The following COQ10A variants were observed in gnomAD, a reference collection of about 807,000 sequenced individuals.
The protein encoded by COQ10A is coenzyme Q-binding protein COQ10 homolog A, mitochondrial.
A neutral mutation model predicts 26.1 loss-of-function variants in COQ10A; 25 were observed. That is an observed-to-expected ratio of 0.96 (90% CI 0.70 to 1.34). COQ10A has a LOEUF of 1.34. Among genes scored for constraint, COQ10A ranks in the 40% most tolerant of loss-of-function variants. The pLI, the probability that COQ10A is intolerant of heterozygous loss-of-function variation, is 0.00. For missense variants in COQ10A, 312 were observed against 335.4 expected, an observed-to-expected ratio of 0.93 and a Z score of 0.54; for synonymous variants, 132 against 124.0, an observed-to-expected ratio of 1.06 and a Z score of -0.43.
At chr12:56,268,078 C>G (rs1872404822) in intron 2 of COQ10A, 138 bp downstream of exon 2, 1 of 1,059,114 alleles carries the variant, frequency 9.4e-7, no homozygotes, top group African/African-American at 1.6e-5. Context: ...TACTGATCCT[C>G]AGTCCTCCCC....
chr12:56,268,308 TA>T (rs994119884), intron 2 of COQ10A: 56 of 196,974 alleles, frequency 2.8e-4, no homozygotes, highest in South Asian at 6.2e-4. Context: ...CTGTCTCCAC[TA>T]AAAAAAAACA....
rs1872492525 is a variant in COQ10A, at chr12:56,270,635, T to G, written c.*318T>G. The G allele has an allele frequency of 4.5e-6, 1 of 220,516 alleles. No homozygotes were observed. Among genetic ancestry groups the G allele is most frequent in the African/African-American group, 2.3e-5 (1 of 44,024 alleles). 13.7% of individuals were successfully genotyped at this position (220,516 alleles called of 1,614,324 possible). On this transcript the variant is annotated 3_prime_UTR_variant, in exon 5 of 5. Transcript: ENST00000308197. ...GACCTTATCAAGACACCTTAGTGTC[T>G]GACCAGGGGACGATAGTAACTTTTC...
At chr12:56,270,113 G>A (rs780429418) in intron 4 of COQ10A, 37 bp from the exon 5 acceptor site, 2 of 1,597,796 alleles carry the variant, frequency 1.3e-6, no homozygotes, top group Non-Finnish European at 8.6e-7. Context: ...ATCCAACATG[G>A]TCTGGAAGTT....
intron 2 of COQ10A, 164 bp from the exon 3 acceptor site, chr12:56,268,895 G>A: frequency 3.2e-6 from 2 of 615,842 alleles, no homozygotes; most frequent in Non-Finnish European, 5.9e-6. Context: ...GTATCATAAG[G>A]ATTTACACGT....
chr12:56,267,134 TCGCGGCGGGTCCCAGCTGGGACGCG>T lies in COQ10A; in HGVS notation c.23_47del (p.Arg8GlnfsTer29). The T allele has an allele frequency of 7.7e-7, 1 of 1,301,762 alleles. No homozygotes were observed. Among genetic ancestry groups the T allele is most frequent in the African/African-American group, 1.6e-5 (1 of 64,486 alleles). 80.6% of individuals were successfully genotyped at this position (1,301,762 alleles called of 1,614,324 possible). On this transcript the variant is annotated frameshift_variant, in exon 1 of 5. Transcript: ENST00000308197. LOFTEE classifies it high-confidence loss of function. ...GGTCGCGCGCATGGCCTGGGCGGGC[TCGCGGCGGGTCCCAGCTGGGACGCG>T]CGCGGCAGCCGAGCGCTGCTGCCGG... is the stretch of plus-strand genomic sequence containing the variant.
intron 2 of COQ10A, 60 bp from the exon 3 acceptor site, chr12:56,268,999 T>A: frequency 6.9e-7 from 1 of 1,459,208 alleles, no homozygotes; most frequent in South Asian, 1.2e-5. Flanking sequence ...TAGGGGCCTA[T>A]AGCAAGGAGG....
intron 2 of COQ10A, 96 bp from the exon 3 acceptor site, chr12:56,268,963 C>T (rs550128089): frequency 3.6e-5 from 33 of 923,100 alleles, no homozygotes; most frequent in South Asian, 2.1e-4. Context: ...CCTGAAGGTG[C>T]GTGGTTAGTG....
chr12:56,267,187 C>T lies in COQ10A; in HGVS notation c.69C>T (p.Leu23=). ...CGGCAGCCGAGCGCTGCTGCCGGCT[C>T]TCGCTCAGCCCGGGCGCGCAACCGG... ...TRAAAERCCR[L]SLSPGAQPAP... The change falls in exon 1 of 5, where the codon CTC becomes CTT. Residue 23 remains leucine (L), a synonymous_variant. Transcript: ENST00000308197. 1 of 1,375,410 alleles carries T rather than the reference C, an allele frequency of 7.3e-7. No homozygotes were observed. Among genetic ancestry groups the T allele is most frequent in the Non-Finnish European group, 9.4e-7 (1 of 1,069,210 alleles). 85.2% of individuals were successfully genotyped at this position (1,375,410 alleles called of 1,614,324 possible). A position where few individuals can be genotyped will look rare whatever the true frequency, so the allele number is the denominator to read the frequency against.
At chr12:56,269,848 A>G in intron 4 of COQ10A, 1 of 518,308 alleles carries the variant, frequency 1.9e-6, no homozygotes, top group Non-Finnish European at 3.5e-6. Context: ...GCTGCTCTCA[A>G]ACTCCTGGCC....
intron 2 of COQ10A, chr12:56,268,148 A>G: frequency 1.5e-6 from 1 of 653,688 alleles, no homozygotes; most frequent in Non-Finnish European, 2.6e-6. Context: ...CTTAAGTGAA[A>G]TGAGACTAGG....
chr12:56,269,632 T>C (rs374946643), intron 4 of COQ10A, 71 bp downstream of exon 4: 3 of 1,075,650 alleles, frequency 2.8e-6, no homozygotes, highest in East Asian at 2.4e-5. Flanking sequence ...TGTGACAGGG[T>C]TATTAATTTA....
At chr12:56,267,324 C>T in intron 1 of COQ10A, 72 bp downstream of exon 1, 2 of 1,612,526 alleles carry the variant, frequency 1.2e-6, no homozygotes, top group Non-Finnish European at 1.7e-6. Context: ...TGGAGGGGTG[C>T]TATACTGGGA....
chr12:56,267,436 G>A (rs1338143634), intron 1 of COQ10A, 184 bp downstream of exon 1: 2 of 1,613,966 alleles, frequency 1.2e-6, no homozygotes, highest in Middle Eastern at 1.6e-4. Flanking sequence ...TTCTCGGGGT[G>A]AGTGTCCAAC....
At chr12:56,268,090 G>A (rs1872405266) in intron 2 of COQ10A, 150 bp downstream of exon 2, 3 of 976,236 alleles carry the variant, frequency 3.1e-6, no homozygotes, top group African/African-American at 1.6e-5. Flanking sequence ...GTCCTCCCCT[G>A]CCACTCTTCC....
In COQ10A at chr12:56,267,170, G is replaced by C; in HGVS notation, c.52G>C (p.Glu18Gln). ...CCCAGCTGGGACGCGCGCGGCAGCC[G>C]AGCGCTGCTGCCGGCTCTCGCTCAG... ...RVPAGTRAAA[E>Q]RCCRLSLSPG... The change falls in exon 1 of 5, where the codon GAG becomes CAG. Residue 18 changes from glutamate to glutamine, a missense_variant. By Grantham distance (29) the Glu-to-Gln change is conservative. Transcript: ENST00000308197. 4 of 1,352,758 alleles carry C rather than the reference G, an allele frequency of 3.0e-6. No individual in the cohort carries two copies. The highest frequency in any genetic ancestry group is 2.8e-6 in the Non-Finnish European group (3 of 1,058,740). 83.8% of individuals were successfully genotyped at this position (1,352,758 alleles called of 1,614,324 possible). A position where few individuals can be genotyped will look rare whatever the true frequency, so the allele number is the denominator to read the frequency against.
At chr12:56,269,759 C>T in intron 4 of COQ10A, 198 bp downstream of exon 4, 1 of 557,810 alleles carries the variant, frequency 1.8e-6, no homozygotes, top group Non-Finnish European at 3.2e-6. Flanking sequence ...TCCCAAGTAG[C>T]TGGGATTACA....
intron 1 of COQ10A, 183 bp downstream of exon 1, chr12:56,267,435 T>C (rs1299739194): frequency 1.2e-6 from 2 of 1,613,864 alleles, no homozygotes; most frequent in Non-Finnish European, 1.7e-6. Context: ...GTTCTCGGGG[T>C]GAGTGTCCAA....
chr12:56,268,978 A>G (rs1872427770), intron 2 of COQ10A, 81 bp from the exon 3 acceptor site: 8 of 1,161,968 alleles, frequency 6.9e-6, no homozygotes, highest in Non-Finnish European at 8.8e-6. Flanking sequence ...TTAGTGGGCA[A>G]AGGTATGAAT....
Position 56,267,833 on chromosome 12 carries a change from C to T in COQ10A, c.174C>T (p.Ala58=). 1 of 1,614,178 alleles carries T rather than the reference C, an allele frequency of 6.2e-7. No homozygotes were observed. The highest frequency in any genetic ancestry group is 2.2e-5 in the East Asian group (1 of 44,874). ...GCAGCCTCCTCTTGCCTCGGGCTGCCCAGATCTTGGCGGCTGAGGCTGGCT... is the reference window on the plus strand; with the variant it reads ...GCAGCCTCCTCTTGCCTCGGGCTGCTCAGATCTTGGCGGCTGAGGCTGGCT... ...TSCSLLLPRA[A]QILAAEAGLP... The change falls in exon 2 of 5, where the codon GCC becomes GCT. Residue 58 remains alanine, a synonymous_variant. Coordinates refer to ENST00000308197, the MANE Select transcript of COQ10A (RefSeq NM_144576.4).
Sources: gnomAD v4.1 joint callset for allele counts on GRCh38, gnomAD v4.1.1 for gene constraint, MANE v1.5 for transcripts, NCBI Gene and HGNC (gene_info 2026-07-23, HGNC 2026-07-21) for gene names.